Variants in PHF24 observed in about 807,000 individuals in gnomAD.
The protein encoded by PHF24 is PHD finger protein 24, also known as Galpha inhibitory interacting protein.
A neutral mutation model predicts 42.6 loss-of-function variants in PHF24; 25 were observed. The observed-to-expected ratio is 0.59, with a 90% CI of 0.43 to 0.82. The LOEUF (loss-of-function observed/expected upper bound fraction) is 0.82, where lower values mean the gene tolerates loss of function less well. PHF24 is among the 40% of genes least tolerant of loss of function. PHF24 has a pLI of 0.00. For synonymous variants in PHF24, 185 were observed against 204.8 expected, an observed-to-expected ratio of 0.90 and a Z score of 0.83; for missense variants, 470 against 538.1, an observed-to-expected ratio of 0.87 and a Z score of 1.25.
At chr9:34,704,188 G>C in the PHF24 span, among the ~76,000 whole-genome samples, 2 of 146,900 alleles carry the variant, frequency 1.4e-5, no homozygotes, top group African/African-American at 4.9e-5. Flanking sequence ...CACCGTGCCT[G>C]GCTAATTCTT....
chr9:34,704,242 G>A, the PHF24 span, among the ~76,000 whole-genome samples: 1 of 147,332 alleles, frequency 6.8e-6, no homozygotes, highest in South Asian at 2.2e-4. Flanking sequence ...CGTTGCCCAG[G>A]CTGGTCTCAA....
At chr9:34,787,427 C>T in the PHF24 span, among the ~76,000 whole-genome samples, 1 of 152,024 alleles carries the variant, frequency 6.6e-6, no homozygotes, top group Non-Finnish European at 1.5e-5. Flanking sequence ...AAGAAGCCAG[C>T]CTGGGAAGAT....
At chr9:34,911,187 A>T in the PHF24 span, among the ~76,000 whole-genome samples, 1,384 of 151,394 alleles carry the variant, frequency 9.1e-3, 11 homozygotes, top group Non-Finnish European at 0.012. Flanking sequence ...GACTTTTTTT[A>T]AAAAAAAACT....
At chr9:34,969,130 C>A (rs1395678589) in intron 1 of PHF24, among the ~76,000 whole-genome samples, 1 of 152,186 alleles carries the variant, frequency 6.6e-6, no homozygotes, top group Admixed American at 6.5e-5. Flanking sequence ...GGAGGCCAGA[C>A]CATGCAGGGC....
the PHF24 span, among the ~76,000 whole-genome samples, chr9:34,734,887 T>C: frequency 0.012 from 1,766 of 152,300 alleles, 23 homozygotes; most frequent in Admixed American, 0.027. Context: ...GAGGATGACA[T>C]TGAGCAAACC....
chr9:34,870,410 T>C, the PHF24 span, among the ~76,000 whole-genome samples: 8 of 152,256 alleles, frequency 5.3e-5, no homozygotes, highest in Non-Finnish European at 1.0e-4. Context: ...TTCTCTGTGC[T>C]CTACCTATTC....
the PHF24 span, among the ~76,000 whole-genome samples, chr9:34,848,996 G>T: frequency 4.5e-3 from 683 of 152,088 alleles, 5 homozygotes; most frequent in African/African-American, 0.015. Flanking sequence ...TCTTTTACAT[G>T]TGCTGAGGAG....
At chr9:34,946,279 G>A in the PHF24 span, among the ~76,000 whole-genome samples, 1 of 152,172 alleles carries the variant, frequency 6.6e-6, no homozygotes, top group Non-Finnish European at 1.5e-5. Context: ...CTGCCTCATT[G>A]AGAAGACAAT....
the PHF24 span, among the ~76,000 whole-genome samples, chr9:34,912,300 G>A: frequency 1.2e-4 from 19 of 152,264 alleles, no homozygotes; most frequent in East Asian, 3.5e-3. Flanking sequence ...ACCTTGTCCT[G>A]AGTGTAGACC....
chr9:34,929,375 T>C, the PHF24 span, among the ~76,000 whole-genome samples: 1 of 152,298 alleles, frequency 6.6e-6, no homozygotes, highest in South Asian at 2.1e-4. Context: ...ATCAAACTAT[T>C]ATCTCCATTT....
At chr9:34,930,740 A>C in the PHF24 span, among the ~76,000 whole-genome samples, 1 of 152,224 alleles carries the variant, frequency 6.6e-6, no homozygotes, top group African/African-American at 2.4e-5. Context: ...ACTAGCCCAG[A>C]TTACCTTTTC....
chr9:34,979,162 C>T (rs1392521935), exon 8 of PHF24: 1 of 152,268 alleles, frequency 6.6e-6, no homozygotes, highest in African/African-American at 2.4e-5. Flanking sequence ...CTGCAGAGCC[C>T]TGAGCAGGGA....
At chr9:34,665,607 A>T in the PHF24 span, 1 of 635,870 alleles carries the variant, frequency 1.6e-6, no homozygotes, top group East Asian at 3.0e-5. Context: ...ACCCGCCTCC[A>T]CTCACTCCTC....
chr9:34,714,861 C>T, the PHF24 span, among the ~76,000 whole-genome samples: 10 of 152,146 alleles, frequency 6.6e-5, no homozygotes, highest in East Asian at 1.9e-3. Flanking sequence ...TGCCTGTCTC[C>T]CTTACCCTTA....
chr9:34,685,168 G>A, the PHF24 span, among the ~76,000 whole-genome samples: 4 of 152,092 alleles, frequency 2.6e-5, no homozygotes, highest in Non-Finnish European at 4.4e-5. Context: ...CAGGAGCCCT[G>A]CCTGTCACAA....
the PHF24 span, among the ~76,000 whole-genome samples, chr9:34,816,388 C>T: frequency 6.6e-6 from 1 of 152,126 alleles, no homozygotes; most frequent in Admixed American, 6.5e-5. Context: ...ATTCTTTTTA[C>T]GTATCCCCAC....
chr9:34,955,230 C>T (rs1435096361), upstream of PHF24, among the ~76,000 whole-genome samples: 1 of 151,742 alleles, frequency 6.6e-6, no homozygotes, highest in African/African-American at 2.4e-5. Flanking sequence ...ATTTGTCAAT[C>T]TTATAAGCCC....
At chr9:34,846,284 T>C in the PHF24 span, among the ~76,000 whole-genome samples, 2 of 152,128 alleles carry the variant, frequency 1.3e-5, no homozygotes, top group African/African-American at 4.8e-5. Context: ...TTTTAATGAT[T>C]GCCATTCTAA....
chr9:34,832,794 G>A, the PHF24 span: 1 of 1,551,364 alleles, frequency 6.4e-7, no homozygotes, highest in African/African-American at 1.4e-5. Flanking sequence ...GCTCAGGAAA[G>A]GCTGACCCTG....
Sources: allele counts gnomAD v4.1 joint callset (sites outside exome capture counted in the v4.1 genomes callset), GRCh38; gene constraint gnomAD v4.1.1; transcripts MANE v1.5; gene names NCBI Gene and HGNC (gene_info 2026-07-23, HGNC 2026-07-21).